The following SAFB variants were observed in gnomAD, a reference collection of about 807,000 sequenced individuals.
The protein encoded by SAFB is scaffold attachment factor B1.
A neutral mutation model predicts 101.6 loss-of-function variants in SAFB; 15 were observed. The observed-to-expected ratio is 0.15, with a 90% confidence interval of 0.10 to 0.23. SAFB has a LOEUF of 0.23. SAFB is among the 10% of genes least tolerant of loss of function. The probability of loss-of-function intolerance (pLI) is 1.00; values close to 1 mark genes in which losing one functional copy is unlikely to be tolerated. For synonymous variants in SAFB, 449 were observed against 407.5 expected (o/e 1.10, Z -1.23); for missense variants, 930 against 1,104.1 (o/e 0.84, Z 2.23).
chr19:5,665,802 G>A (rs2054315436), intron 17 of SAFB: 1 of 152,220 alleles, frequency 6.6e-6, no homozygotes, highest in Admixed American at 6.5e-5. Flanking sequence ...GGGCCTCATT[G>A]AACAGTTACG....
chr19:5,641,449 C>T (rs1405330514), intron 2 of SAFB, 145 bp from the exon 3 acceptor site: 26 of 674,216 alleles, frequency 3.9e-5, no homozygotes, highest in Non-Finnish European at 6.7e-5. Context: ...TGCGGAATGG[C>T]CTCATTCCTG....
In SAFB at chr19:5,635,079, G is replaced by C. The variant is rs1443333562; in HGVS notation, c.275-6515G>C. ...CTTGAACCCAGGAGGCGGAGGTTCCGGTGAGCCGAGATCACGCCATTGCAC... is the reference window on the plus strand; with the variant it reads ...CTTGAACCCAGGAGGCGGAGGTTCCCGTGAGCCGAGATCACGCCATTGCAC... On this transcript the variant is annotated intron_variant, in intron 2 of 20. Transcript: ENST00000588852. Among the ~76,000 whole-genome samples, 3 of 151,972 alleles carry C rather than the reference G, an allele frequency of 2.0e-5. No homozygotes were observed. The East Asian group carries it at 5.8e-4, about 29-fold the overall frequency.
intron 2 of SAFB, among the ~76,000 whole-genome samples, chr19:5,627,190 G>A (rs1022902434): frequency 6.6e-6 from 1 of 151,664 alleles, no homozygotes; most frequent in Non-Finnish European, 1.5e-5. Flanking sequence ...AAAAAAAAGG[G>A]GGGTGGGGGC....
At chr19:5,626,335 C>A in intron 1 of SAFB, 70 bp from the exon 2 acceptor site, 1 of 882,612 alleles carries the variant, frequency 1.1e-6, no homozygotes, top group Non-Finnish European at 1.9e-6. Flanking sequence ...TTCCTTGTCA[C>A]CTGAGAGCTC....
intron 1 of SAFB, chr19:5,623,911 C>G (rs2053266492): frequency 6.5e-6 from 1 of 152,884 alleles, no homozygotes; most frequent in East Asian, 1.9e-4. Context: ...AGGAAACACC[C>G]GTAGGACATA....
At position 5,661,416 on chromosome 19, in the gene SAFB, C is replaced by G; in HGVS notation, c.1863-102C>G. The G allele has an allele frequency of 2.6e-6, 4 of 1,537,352 alleles. No homozygotes were observed. The South Asian group carries it at 5.1e-5, about 20-fold the overall frequency. On this transcript the variant is annotated intron_variant, in intron 14 of 20. Transcript: ENST00000588852. ...GGTTCTGCAGACCACGTAGTGGACG[C>G]ACAGCCCTGGAGTCTGTGCGACCCA...
intron 2 of SAFB, among the ~76,000 whole-genome samples, chr19:5,630,746 C>T (rs2053472107): frequency 1.4e-5 from 2 of 144,224 alleles, no homozygotes; most frequent in South Asian, 4.4e-4. Context: ...ACGAGTGAAG[C>T]TTCGTCTCAA....
intron 3 of SAFB, 33 bp from the exon 4 acceptor site, chr19:5,641,707 G>A (rs191428945): frequency 3.1e-6 from 5 of 1,613,330 alleles, no homozygotes; most frequent in African/African-American, 1.3e-5. Flanking sequence ...ACCAGTGGCG[G>A]TCACATGATG....
Position 5,664,429 on chromosome 19 carries a change from G to A in SAFB, c.2324G>A (p.Arg775Gln), listed in dbSNP as rs1442123896. ...GGTTCAAGGTCAATGATGGGAGAAC[G>A]AGAAGGACAGGTAAGTCTGAAGCTA... ...REGSRSMMGE[R>Q]EGQHYPERHG... Residue 775 changes from arginine to glutamine, a missense_variant, in exon 17 of 21, where the codon CGA becomes CAA. Arg to Gln is a conservative substitution (Grantham distance 43, BLOSUM62 1). Around this residue, in one of 7 missense-constraint regions of SAFB, gnomAD observed 318 missense variants for 342.6 expected, o/e 0.93. Transcript: ENST00000588852. 1.9e-6 allele frequency: 3 copies of A among 1,613,212 alleles called. No homozygotes were observed. The highest frequency in any genetic ancestry group is 1.7e-5 in the Admixed American group (1 of 60,022).
chr19:5,667,347 G>A lies in SAFB; in HGVS notation c.2454G>A (p.Arg818=), dbSNP rs1220214833. 6.7e-7 allele frequency: 1 copy of A among 1,493,636 alleles called. No individual in the cohort carries two copies. The highest frequency in any genetic ancestry group is 1.4e-5 in the African/African-American group (1 of 70,066). The allele number at this position is 1,493,636 out of a possible 1,614,324, so 92.5% of individuals were successfully genotyped here. Residue 818 remains arginine, a splice_region_variant and synonymous_variant, in exon 19 of 21, where the codon AGG becomes AGA. Coordinates refer to ENST00000588852, the MANE Select transcript of SAFB (RefSeq NM_001201338.2). The surrounding 1 kb of genome is among the most constrained non-coding windows in gnomAD (Gnocchi z 4.0). ...SEGRGLPPPP[R]GRRDWGDHGR... ...AAATCAGAGATGTCTCTCTTTCAAG[G>A]GGCAGACGTGACTGGGGGGACCATG...
intron 13 of SAFB, among the ~76,000 whole-genome samples, chr19:5,656,575 ATT>A (rs918418902): frequency 2.3e-5 from 3 of 128,352 alleles, no homozygotes; most frequent in Non-Finnish European, 3.3e-5. Context: ...TGCGCCAGCA[ATT>A]TTTTTTTTTT....
intron 2 of SAFB, among the ~76,000 whole-genome samples, chr19:5,631,338 A>C (rs2053486127): frequency 6.6e-6 from 1 of 152,242 alleles, no homozygotes; most frequent in Admixed American, 6.5e-5. Context: ...CTTCATGTAA[A>C]ATGGAGCCAT....
At chr19:5,623,688 C>T (rs1360544926) in intron 1 of SAFB, among the ~76,000 whole-genome samples, 1 of 152,064 alleles carries the variant, frequency 6.6e-6, no homozygotes. Flanking sequence ...CCCCTCGTCT[C>T]GTCCCCTCCT....
chr19:5,644,301 T>A (rs2145435909), intron 4 of SAFB, among the ~76,000 whole-genome samples: 1 of 152,286 alleles, frequency 6.6e-6, no homozygotes, highest in Admixed American at 6.5e-5. Flanking sequence ...GAAAGCACCG[T>A]AGAGTTATGA....
At chr19:5,645,214 C>T (rs891838547) in intron 4 of SAFB, 123 bp from the exon 5 acceptor site, 5 of 562,968 alleles carry the variant, frequency 8.9e-6, no homozygotes, top group South Asian at 6.6e-5. Context: ...TTGATTTCTG[C>T]CCTGGGTTTA....
chr19:5,628,940 GT>G (rs922880102), intron 2 of SAFB, among the ~76,000 whole-genome samples: 2 of 152,028 alleles, frequency 1.3e-5, no homozygotes, highest in African/African-American at 4.8e-5. Context: ...TGCTGTTTTT[GT>G]TTTGTTTTTG....
At chr19:5,664,537 G>A in intron 17 of SAFB, 98 bp downstream of exon 17, 1 of 902,666 alleles carries the variant, frequency 1.1e-6, no homozygotes, top group East Asian at 2.4e-5. Flanking sequence ...TGAGCAAGAG[G>A]CAAAATGAGG....
At position 5,667,063 on chromosome 19, in the gene SAFB, T is replaced by C. The variant is rs745605302; in HGVS notation, c.2352T>C (p.His784=). The C allele has an allele frequency of 6.2e-7, 1 of 1,610,112 alleles. No homozygotes were observed. The highest frequency in any genetic ancestry group is 2.2e-5 in the East Asian group (1 of 44,858). Residue 784 remains histidine (H), a synonymous_variant, in exon 18 of 21, where the codon CAT becomes CAC. Coordinates refer to ENST00000588852, the MANE Select transcript of SAFB (RefSeq NM_001201338.2). This position sits in a 1 kb window ranked among gnomAD's most constrained non-coding sequence, Gnocchi z 4.0. ...ATGTCCAGCATTACCCAGAACGCCATGGAGGACCAGAGCGCCACGGCCGGG... is the reference window on the plus strand; with the variant it reads ...ATGTCCAGCATTACCCAGAACGCCACGGAGGACCAGAGCGCCACGGCCGGG... ...EREGQHYPER[H]GGPERHGRDS...
intron 8 of SAFB, 21 bp from the exon 9 acceptor site, chr19:5,650,957 T>C: frequency 6.7e-7 from 1 of 1,501,952 alleles, no homozygotes; most frequent in Non-Finnish European, 9.2e-7. Context: ...GGGTTTTTAC[T>C]AGAATTTTCT....
Sources: allele counts gnomAD v4.1 joint callset (sites outside exome capture counted in the v4.1 genomes callset), GRCh38; gene constraint gnomAD v4.1.1; regional missense constraint gnomAD v4.1.1; non-coding constraint Gnocchi (gnomAD v3.1); transcripts MANE v1.5; gene names NCBI Gene and HGNC (gene_info 2026-07-23, HGNC 2026-07-21).